Variants in TBC1D9 observed in about 807,000 individuals in gnomAD.
The protein encoded by TBC1D9 is TBC1 domain family member 9.
A neutral mutation model predicts 132.0 loss-of-function variants in TBC1D9; 63 were observed. The ratio of observed to expected loss-of-function variants is 0.48; its 90% CI spans 0.39 to 0.59. The LOEUF is 0.59. TBC1D9 is among the 20% of genes least tolerant of loss of function. The pLI, the probability that TBC1D9 is intolerant of heterozygous loss-of-function variation, is 0.00. For synonymous variants in TBC1D9, 610 were observed against 609.9 expected, an observed-to-expected ratio of 1.00 and a Z score of 0.00; for missense variants, 1,261 against 1,592.7, an observed-to-expected ratio of 0.79 and a Z score of 3.54.
chr4:140,687,623 TG>T (rs1737809319), intron 2 of TBC1D9, among the ~76,000 whole-genome samples: 1 of 151,854 alleles, frequency 6.6e-6, no homozygotes, highest in Admixed American at 6.6e-5. Flanking sequence ...CTCAGAACTG[TG>T]GCAGAACTAA....
At chr4:140,721,545 A>T (rs1738423955) in intron 1 of TBC1D9, among the ~76,000 whole-genome samples, 2 of 152,186 alleles carry the variant, frequency 1.3e-5, no homozygotes, top group Admixed American at 6.5e-5. Flanking sequence ...GGAGTTGAGG[A>T]TGCTAAGAGG....
At chr4:140,735,136 T>C (rs1308310536) in intron 1 of TBC1D9, among the ~76,000 whole-genome samples, 1 of 152,218 alleles carries the variant, frequency 6.6e-6, no homozygotes, top group Non-Finnish European at 1.5e-5. Flanking sequence ...GAAAGAGATA[T>C]TCTCTTTGAC....
chr4:140,723,076 A>C (rs1738448039), intron 1 of TBC1D9, among the ~76,000 whole-genome samples: 1 of 152,234 alleles, frequency 6.6e-6, no homozygotes, highest in African/African-American at 2.4e-5. Context: ...CTTCCAAACA[A>C]GAAAGGCCTT....
intron 1 of TBC1D9, among the ~76,000 whole-genome samples, chr4:140,744,879 TAAAAAAAAAA>T (rs34469042): frequency 1.0e-4 from 11 of 107,514 alleles, no homozygotes; most frequent in Admixed American, 5.2e-4. Flanking sequence ...CAAGAGTGTT[TAAAAAAAAAA>T]AAAAAAAAAA....
At position 140,621,019 on chromosome 4, in the gene TBC1D9, C is replaced by T. The variant is rs1338037037; in HGVS notation, c.*1176G>A. On this transcript the variant is annotated 3_prime_UTR_variant, in exon 21 of 21. Coordinates refer to ENST00000442267, the MANE Select transcript of TBC1D9 (RefSeq NM_015130.3). ...ACAATCAGAAGAAAAAATCGTCCAA[C>T]ATCTGTAAAAAGCAAAATCATAACA... is the stretch of plus-strand genomic sequence containing the variant. 6.6e-6 allele frequency: 1 copy of T among 152,588 alleles called. No homozygotes were observed. Among genetic ancestry groups the T allele is most frequent in the Non-Finnish European group, 1.5e-5 (1 of 68,012 alleles). The allele number at this position is 152,588 out of a possible 1,614,324, so 9.5% of individuals were successfully genotyped here.
chr4:140,715,490 G>A (rs1206332522), intron 1 of TBC1D9, among the ~76,000 whole-genome samples: 3 of 152,128 alleles, frequency 2.0e-5, no homozygotes, highest in African/African-American at 4.8e-5. Context: ...AACCCAAAGT[G>A]ACCAACAAAA....
intron 6 of TBC1D9, among the ~76,000 whole-genome samples, chr4:140,676,484 C>T (rs1327346454): frequency 6.6e-6 from 1 of 152,126 alleles, no homozygotes; most frequent in Non-Finnish European, 1.5e-5. Context: ...GAAACTCCAT[C>T]TCTACTAAAA....
intron 1 of TBC1D9, among the ~76,000 whole-genome samples, chr4:140,742,034 A>G (rs1738766010): frequency 6.6e-6 from 1 of 152,184 alleles, no homozygotes; most frequent in African/African-American, 2.4e-5. Context: ...TAAAATGTAC[A>G]AAATCAAGCT....
intron 1 of TBC1D9, among the ~76,000 whole-genome samples, chr4:140,726,946 C>T (rs72720317): frequency 0.045 from 6,911 of 152,210 alleles, 215 homozygotes; most frequent in South Asian, 0.096. Flanking sequence ...AACTGATATG[C>T]GGTCAACCCA....
In TBC1D9 at chr4:140,620,860, T is replaced by A. The variant is rs890794534; in HGVS notation, c.*1335A>T. 1.3e-5 allele frequency: 2 copies of A among 152,500 alleles called. No homozygotes were observed. Among genetic ancestry groups the A allele is most frequent in the Admixed American group, 1.3e-4 (2 of 15,272 alleles). 9.4% of individuals were successfully genotyped at this position (152,500 alleles called of 1,614,324 possible). A position where few individuals can be genotyped will look rare whatever the true frequency, so the allele number is the denominator to read the frequency against. ...ACTACTTCATTTGACAGTTTAAAAA[T>A]CATCCTGTAAATAGAATAAAAAACA... On this transcript the variant is annotated 3_prime_UTR_variant, in exon 21 of 21. Transcript: ENST00000442267.
chr4:140,638,941 A>G, intron 15 of TBC1D9, 145 bp downstream of exon 15: 4 of 571,024 alleles, frequency 7.0e-6, no homozygotes, highest in Non-Finnish European at 1.2e-5. Context: ...TTATTTTCAT[A>G]TTAAGTACTA....
intron 3 of TBC1D9, among the ~76,000 whole-genome samples, chr4:140,680,956 A>G (rs1217760641): frequency 6.6e-6 from 1 of 152,158 alleles, no homozygotes; most frequent in Non-Finnish European, 1.5e-5. Context: ...GATCATGTAC[A>G]CTTTGTTTGT....
chr4:140,670,214 T>C (rs1737514273), intron 7 of TBC1D9, among the ~76,000 whole-genome samples: 1 of 152,214 alleles, frequency 6.6e-6, no homozygotes, highest in Non-Finnish European at 1.5e-5. Flanking sequence ...AGAGATGTTA[T>C]GTGTGAGCTT....
chr4:140,680,583 T>C (rs1259511542), intron 3 of TBC1D9, among the ~76,000 whole-genome samples: 2 of 152,172 alleles, frequency 1.3e-5, no homozygotes, highest in Non-Finnish European at 2.9e-5. Context: ...CCTTTGACTT[T>C]GTAATCCTCA....
chr4:140,755,944 GCCGGCGTGGCCCTT>G lies in TBC1D9; in HGVS notation c.88_101del (p.Lys30ArgfsTer17). ...CCAGTCCGCCGCCGCCGCCTCCATC[GCCGGCGTGGCCCTT>G]CCTCCGCTGCAGGATGAAGTATGGG... On this transcript the variant is annotated frameshift_variant, in exon 1 of 21. Coordinates refer to ENST00000442267, the MANE Select transcript of TBC1D9 (RefSeq NM_015130.3). LOFTEE classifies it high-confidence loss of function. 1 of 1,590,058 alleles carries G rather than the reference GCCGGCGTGGCCCTT, an allele frequency of 6.3e-7. No individual in the cohort carries two copies. Among genetic ancestry groups the G allele is most frequent in the Non-Finnish European group, 8.5e-7 (1 of 1,169,820 alleles).
At chr4:140,749,940 T>C (rs1410686293) in intron 1 of TBC1D9, among the ~76,000 whole-genome samples, 1 of 152,074 alleles carries the variant, frequency 6.6e-6, no homozygotes, top group Non-Finnish European at 1.5e-5. Context: ...GATTGCTTTA[T>C]AAATGCAAGT....
intron 13 of TBC1D9, chr4:140,642,568 T>G (rs1463003802): frequency 6.0e-6 from 6 of 994,168 alleles, no homozygotes; most frequent in Non-Finnish European, 9.4e-6. Context: ...CGAGCTTGCT[T>G]GCCAACTGCT....
chr4:140,747,017 A>AAAAT (rs375774605), intron 1 of TBC1D9, among the ~76,000 whole-genome samples: 6,573 of 151,222 alleles, frequency 0.043, 442 homozygotes, highest in African/African-American at 0.14. Context: ...ATAAAAATAA[A>AAAAT]AAATAAATAA....
intron 16 of TBC1D9, among the ~76,000 whole-genome samples, chr4:140,630,867 T>G (rs560333261): frequency 9.8e-5 from 15 of 152,330 alleles, no homozygotes; most frequent in African/African-American, 3.1e-4. Flanking sequence ...AACATTTTTT[T>G]GAGCCAGACA....
Sources: gnomAD v4.1 joint callset for allele counts (sites outside exome capture counted in the v4.1 genomes callset) on GRCh38, gnomAD v4.1.1 for gene constraint, MANE v1.5 for transcripts, NCBI Gene and HGNC (gene_info 2026-07-23, HGNC 2026-07-21) for gene names.